GTPBP3: variants seen among roughly 807,000 people sequenced by gnomAD.
The protein encoded by GTPBP3 is GTP binding protein 3, mitochondrial, also known as 5-taurinomethyluridine-[tRNA] synthase subunit GTPB3, mitochondrial.
Under a neutral mutation model 42.0 loss-of-function variants are expected in GTPBP3, and 35 were observed. The observed-to-expected ratio is 0.83, with a 90% CI of 0.64 to 1.10. The LOEUF is 1.10. Ranked by LOEUF, GTPBP3 falls within the 50% of genes least tolerant of loss-of-function variation. GTPBP3 has a pLI of 0.00. For missense variants in GTPBP3, 691 were observed against 685.2 expected (o/e 1.01, Z -0.09); for synonymous variants, 332 against 314.9 (o/e 1.05, Z -0.58).
rs1485693530 is a variant in GTPBP3 at position 17,339,124 on chromosome 19, C to A, written c.666C>A (p.Ala222=). The A allele has an allele frequency of 3.1e-6, 5 of 1,614,104 alleles. No homozygotes were observed. The highest frequency in any genetic ancestry group is 4.2e-6 in the Non-Finnish European group (5 of 1,180,052). The change falls in exon 6 of 9, where the codon GCC becomes GCA. Residue 222 remains alanine (A), a splice_region_variant and synonymous_variant. Transcript: ENST00000324894. Reference sequence around the variant, plus strand: ...CTGCCTGCCTTCTCTCACCCACAGCCGACATCGAAGTACGGGCACTGCAGG... The same window carrying A: ...CTGCCTGCCTTCTCTCACCCACAGCAGACATCGAAGTACGGGCACTGCAGG... The part of the protein sequence containing the change: ...DNLEEGVLEQ[A]DIEVRALQVA...
chr19:17,341,407 G>T, intron 8 of GTPBP3, 71 bp from the exon 9 acceptor site: 1 of 1,562,644 alleles, frequency 6.4e-7, no homozygotes, highest in Non-Finnish European at 8.7e-7. Flanking sequence ...CTACAAAATG[G>T]GTACAACCAT....
chr19:17,335,442 C>T (rs1238426439), upstream of GTPBP3, among the ~76,000 whole-genome samples: 1 of 152,136 alleles, frequency 6.6e-6, no homozygotes, highest in South Asian at 2.1e-4. Flanking sequence ...CACCTGTAAT[C>T]CCAGCTACTT....
At chr19:17,337,780 G>T in intron 1 of GTPBP3, 116 bp downstream of exon 1, 1 of 1,310,996 alleles carries the variant, frequency 7.6e-7, no homozygotes. Context: ...GCGTTCTTCC[G>T]TGCCTCAATC....
intron 7 of GTPBP3, among the ~76,000 whole-genome samples, chr19:17,340,615 G>A (rs1448350679): frequency 2.0e-5 from 3 of 147,104 alleles, no homozygotes; most frequent in Non-Finnish European, 4.5e-5. Context: ...TGCTGTACCC[G>A]GCCCCTTTTG....
At chr19:17,335,364 T>C (rs897094779), upstream of GTPBP3, among the ~76,000 whole-genome samples, 2 of 152,144 alleles carry the variant, frequency 1.3e-5, no homozygotes, top group African/African-American at 4.8e-5. Flanking sequence ...GTTTAGCAAA[T>C]AAAAATACAG....
chr19:17,337,204 C>T (rs2074375502), upstream of GTPBP3: 1 of 174,650 alleles, frequency 5.7e-6, no homozygotes, highest in Non-Finnish European at 1.2e-5. Context: ...GCACATAGGT[C>T]CTTGCCACGC....
upstream of GTPBP3, chr19:17,335,046 G>C (rs201583022): frequency 5.1e-4 from 786 of 1,535,936 alleles, 4 homozygotes; most frequent in Non-Finnish European, 2.4e-4. Context: ...CTTTCTTCTG[G>C]TCCCCGCCTC....
Position 17,338,435 on chromosome 19 carries a change from C to G in GTPBP3, c.372C>G (p.Gly124=), listed in dbSNP as rs1485664114. The G allele has an allele frequency of 6.2e-7, 1 of 1,614,094 alleles. No homozygotes were observed. The highest frequency in any genetic ancestry group is 8.5e-7 in the Non-Finnish European group (1 of 1,180,030). The change falls in exon 3 of 9, where the codon GGC becomes GGG. Residue 124 remains glycine (G), a synonymous_variant. Coordinates refer to ENST00000324894, the MANE Select transcript of GTPBP3 (RefSeq NM_032620.4). ...ATGGAGGCCCGGCAGTGGTGAGCGG[C>G]GTCCTGCAGGCCTTGGGTGAGTTGC... is the stretch of plus-strand genomic sequence containing the variant. ...HVHGGPAVVS[G]VLQALGSVPG... is the part of the protein sequence containing the mutation.
chr19:17,337,769 C>G (rs2074380653), intron 1 of GTPBP3, 105 bp downstream of exon 1: 2 of 1,336,570 alleles, frequency 1.5e-6, no homozygotes, highest in Admixed American at 3.1e-5. Flanking sequence ...AGCAATCATT[C>G]GCGTTCTTCC....
rs767496297 is a variant in GTPBP3 at position 17,339,605 on chromosome 19, C to T, written c.974+6C>T. ...GTGCGGCGCGCCCGGGAGAGGTGGG[C>T]GGACAGGGTGGTGATGGGAGGGGAA... On this transcript the variant is annotated splice_donor_region_variant and intron_variant, in intron 7 of 8. Coordinates refer to ENST00000324894, the MANE Select transcript of GTPBP3 (RefSeq NM_032620.4). The T allele has an allele frequency of 1.3e-5, 20 of 1,596,130 alleles. No homozygotes were observed. Among genetic ancestry groups the T allele is most frequent in the Admixed American group, 3.4e-5 (2 of 58,018 alleles).
In GTPBP3 at chr19:17,339,149, G is replaced by T. The variant is rs376516285; in HGVS notation, c.691G>T (p.Val231Leu). 1 of 1,614,006 alleles carries T rather than the reference G, an allele frequency of 6.2e-7. No homozygotes were observed. Among genetic ancestry groups the T allele is most frequent in the Non-Finnish European group, 8.5e-7 (1 of 1,180,040 alleles). Residue 231 changes from valine to leucine, a missense_variant, in exon 6 of 9, where the codon GTG becomes TTG. Transcript: ENST00000324894. ...CGACATCGAAGTACGGGCACTGCAG[G>T]TGGCCCTGGGTGCACATCTACGAGA... ...QADIEVRALQVALGAHLRDAR... is the reference protein window; with the variant it reads ...QADIEVRALQLALGAHLRDAR...
At chr19:17,337,381 C>A, upstream of GTPBP3, 2 of 851,898 alleles carry the variant, frequency 2.3e-6, no homozygotes, top group Non-Finnish European at 3.1e-6. Flanking sequence ...GCCCGGGGAA[C>A]AACATTTCGC....
intron 3 of GTPBP3, 36 bp downstream of exon 3, chr19:17,338,487 C>A: frequency 6.2e-7 from 1 of 1,613,326 alleles, no homozygotes; most frequent in Non-Finnish European, 8.5e-7. Context: ...CTTGGTCCTC[C>A]CAATGGGCCT....
At chr19:17,337,711 A>G in intron 1 of GTPBP3, 47 bp downstream of exon 1, 1 of 1,386,996 alleles carries the variant, frequency 7.2e-7, no homozygotes, top group Non-Finnish European at 9.4e-7. Context: ...TGCTGCTTGG[A>G]CCCCAGACCC....
upstream of GTPBP3, chr19:17,335,089 A>C (rs767985631): frequency 2.7e-5 from 42 of 1,535,786 alleles, no homozygotes; most frequent in Non-Finnish European, 3.4e-5. Flanking sequence ...CAAACTCCGG[A>C]CCCTGGAGAC....
chr19:17,339,578 G>C lies in GTPBP3; in HGVS notation c.953G>C (p.Gly318Ala). The change falls in exon 7 of 9, where the codon GGC becomes GCC. Residue 318 changes from glycine (G) to alanine (A), a missense_variant. Coordinates refer to ENST00000324894, the MANE Select transcript of GTPBP3 (RefSeq NM_032620.4). ...REGVGPVEQE[G>A]VRRARERLEQ... is the part of the protein sequence containing the mutation. Reference sequence around the variant, plus strand: ...GGCGTGGGGCCCGTGGAGCAGGAGGGCGTGCGGCGCGCCCGGGAGAGGTGG... The same window carrying C: ...GGCGTGGGGCCCGTGGAGCAGGAGGCCGTGCGGCGCGCCCGGGAGAGGTGG... 2.5e-6 allele frequency: 4 copies of C among 1,609,134 alleles called. No homozygotes were observed. The highest frequency in any genetic ancestry group is 3.4e-6 in the Non-Finnish European group (4 of 1,179,064).
upstream of GTPBP3, chr19:17,335,025 C>G (rs1319182995): frequency 1.3e-6 from 2 of 1,536,026 alleles, no homozygotes; most frequent in African/African-American, 1.4e-5. Context: ...TCCAACTTGT[C>G]CCCACCCATG....
At chr19:17,337,100 C>G (rs1194062476), upstream of GTPBP3, 1 of 152,868 alleles carries the variant, frequency 6.5e-6, no homozygotes, top group African/African-American at 2.4e-5. Flanking sequence ...CTCCAGTACT[C>G]GTCCCTCCCG....
At position 17,341,893 on chromosome 19, in the gene GTPBP3, GGCTGAATGGAGGTCCCGTTCGA is replaced by G. The variant is rs2074436702; in HGVS notation, c.*191_*212del. The G allele has an allele frequency of 2.0e-6, 1 of 506,846 alleles. No individual in the cohort carries two copies. Among genetic ancestry groups the G allele is most frequent in the East Asian group, 3.2e-5 (1 of 31,304 alleles). 31.4% of individuals were successfully genotyped at this position (506,846 alleles called of 1,614,324 possible). A position where few individuals can be genotyped will look rare whatever the true frequency, so the allele number is the denominator to read the frequency against. The stretch of plus-strand genomic sequence containing the variant: ...CCTGGAGATTCAGGCCCTGGAATGG[GGCTGAATGGAGGTCCCGTTCGA>G]CCCTTGATGCTGGGGCATCCGGGTT... On this transcript the variant is annotated 3_prime_UTR_variant, in exon 9 of 9. Transcript: ENST00000324894.
Sources: allele counts gnomAD v4.1 joint callset (sites outside exome capture counted in the v4.1 genomes callset), GRCh38; gene constraint gnomAD v4.1.1; transcripts MANE v1.5; gene names NCBI Gene and HGNC (gene_info 2026-07-23, HGNC 2026-07-21).